Variants in XKR6 observed in about 807,000 individuals in gnomAD.
XKR6 encodes XK related 6, also known as XK-related protein 6.
In XKR6, 22 loss-of-function variants were observed where a neutral mutation model predicts 56.7. That is an observed-to-expected ratio of 0.39 (90% CI 0.28 to 0.55). The LOEUF (loss-of-function observed/expected upper bound fraction) is 0.55, where lower values mean the gene tolerates loss of function less well. Ranked by LOEUF, XKR6 falls within the 20% of genes least tolerant of loss-of-function variation. The probability of loss-of-function intolerance (pLI) is 0.66; values close to 1 mark genes in which losing one functional copy is unlikely to be tolerated. For missense variants in XKR6, 852 were observed against 889.0 expected (o/e 0.96, Z 0.53); for synonymous variants, 524 against 387.8 (o/e 1.35, Z -4.13).
intron 1 of XKR6, among the ~76,000 whole-genome samples, chr8:11,147,918 C>G (rs1586615451): frequency 6.6e-6 from 1 of 151,890 alleles, no homozygotes; most frequent in East Asian, 2.0e-4. Context: ...GGTAATTAAG[C>G]TAAAATGAGG....
At chr8:10,992,741 G>T (rs1439956279) in intron 1 of XKR6, among the ~76,000 whole-genome samples, 1 of 152,176 alleles carries the variant, frequency 6.6e-6, no homozygotes, top group Non-Finnish European at 1.5e-5. Flanking sequence ...AGTCAATTCT[G>T]CATCTAGAGA....
chr8:10,967,978 C>T (rs185159505), intron 1 of XKR6, among the ~76,000 whole-genome samples: 9 of 152,296 alleles, frequency 5.9e-5, no homozygotes, highest in Admixed American at 4.6e-4. Flanking sequence ...ATGGATACCT[C>T]GGCCCCTCAG....
chr8:11,120,177 T>C (rs1264562074), intron 1 of XKR6, among the ~76,000 whole-genome samples: 2 of 152,190 alleles, frequency 1.3e-5, no homozygotes, highest in Non-Finnish European at 2.9e-5. Flanking sequence ...TGTTGGAAGT[T>C]CTGGCCAGGG....
intron 2 of XKR6, among the ~76,000 whole-genome samples, chr8:10,912,833 T>G (rs118058439): frequency 0.095 from 13,724 of 144,098 alleles, 815 homozygotes; most frequent in Non-Finnish European, 0.13. Context: ...CATATATATA[T>G]ATAGAGAGAG....
At chr8:10,984,757 T>TATATATATATATATATATATA (rs1554519601) in intron 1 of XKR6, among the ~76,000 whole-genome samples, 64 of 139,830 alleles carry the variant, frequency 4.6e-4, no homozygotes, top group Non-Finnish European at 7.4e-4. Flanking sequence ...TATATATATA[T>TATATATATATATATATATATA]TTGAAGAAAT....
chr8:10,956,795 T>C (rs1440450644), intron 1 of XKR6, among the ~76,000 whole-genome samples: 1 of 152,200 alleles, frequency 6.6e-6, no homozygotes, highest in Non-Finnish European at 1.5e-5. Context: ...GGGATTGAAC[T>C]AGAAACTGGG....
chr8:10,991,511 T>C (rs1797993184), intron 1 of XKR6, among the ~76,000 whole-genome samples: 1 of 152,216 alleles, frequency 6.6e-6, no homozygotes, highest in Non-Finnish European at 1.5e-5. Flanking sequence ...CGGAACACGA[T>C]GAGTCTATCT....
At chr8:11,005,870 G>T (rs1798356712) in intron 1 of XKR6, among the ~76,000 whole-genome samples, 1 of 131,272 alleles carries the variant, frequency 7.6e-6, no homozygotes. Flanking sequence ...TTGAGATGGA[G>T]TCTCCCTCTT....
intron 1 of XKR6, among the ~76,000 whole-genome samples, chr8:11,179,564 A>G (rs937642787): frequency 6.6e-6 from 1 of 152,074 alleles, no homozygotes; most frequent in Non-Finnish European, 1.5e-5. Flanking sequence ...TCCTCCCTCA[A>G]AACACTAGAG....
At chr8:10,978,202 T>C (rs1802624572) in intron 1 of XKR6, among the ~76,000 whole-genome samples, 1 of 152,184 alleles carries the variant, frequency 6.6e-6, no homozygotes, top group Non-Finnish European at 1.5e-5. Flanking sequence ...CAGAACAGAT[T>C]CATAGCAGAG....
intron 1 of XKR6, among the ~76,000 whole-genome samples, chr8:11,154,233 T>C (rs180724221): frequency 6.6e-6 from 1 of 152,316 alleles, no homozygotes; most frequent in African/African-American, 2.4e-5. Flanking sequence ...CCAGTAGACA[T>C]GGTGACGGAG....
intron 1 of XKR6, among the ~76,000 whole-genome samples, chr8:10,992,702 C>A (rs919800311): frequency 6.6e-6 from 1 of 152,196 alleles, no homozygotes; most frequent in African/African-American, 2.4e-5. Context: ...CCTCTTCCCT[C>A]CTGTTAGCCA....
intron 1 of XKR6, among the ~76,000 whole-genome samples, chr8:10,952,972 T>G (rs1801771541): frequency 6.6e-6 from 1 of 152,076 alleles, no homozygotes; most frequent in African/African-American, 2.4e-5. Flanking sequence ...CTGCGAGGGA[T>G]CTAGGCTGCG....
chr8:11,081,862 T>G (rs901821047), intron 1 of XKR6, among the ~76,000 whole-genome samples: 1 of 152,236 alleles, frequency 6.6e-6, no homozygotes, highest in Non-Finnish European at 1.5e-5. Context: ...CCTCTTGGCC[T>G]GTGTCAAAGA....
chr8:11,055,909 C>G (rs1034331406), intron 1 of XKR6, among the ~76,000 whole-genome samples: 22 of 152,166 alleles, frequency 1.4e-4, no homozygotes, highest in Admixed American at 1.4e-3. Context: ...TTCATACCCC[C>G]GCTCCATACA....
At chr8:10,903,722 G>A (rs907981569) in intron 2 of XKR6, among the ~76,000 whole-genome samples, 1 of 152,174 alleles carries the variant, frequency 6.6e-6, no homozygotes, top group Non-Finnish European at 1.5e-5. Context: ...AAGAAGACAG[G>A]CGTCTACAAT....
chr8:11,195,917 T>C (rs1299676405), intron 1 of XKR6, among the ~76,000 whole-genome samples: 1 of 151,260 alleles, frequency 6.6e-6, no homozygotes, highest in Non-Finnish European at 1.5e-5. Flanking sequence ...TCCCACTGAG[T>C]TTCTTTTAAA....
At chr8:10,984,722 CTCTCTCTCTCTATATA>C (rs1010353377) in intron 1 of XKR6, among the ~76,000 whole-genome samples, 1 of 79,206 alleles carries the variant, frequency 1.3e-5, no homozygotes, top group Non-Finnish European at 2.8e-5. Context: ...CTCTCTCTCT[CTCTCTCTCTCTATATA>C]TATATATATA....
chr8:11,168,449 T>C (rs556796636), intron 1 of XKR6, among the ~76,000 whole-genome samples: 26 of 152,264 alleles, frequency 1.7e-4, no homozygotes, highest in Non-Finnish European at 2.5e-4. Flanking sequence ...TCTAGAATAA[T>C]AGACTTCAAT....
Sources: allele counts gnomAD v4.1 joint callset (sites outside exome capture counted in the v4.1 genomes callset), GRCh38; gene constraint gnomAD v4.1.1; transcripts MANE v1.5; gene names NCBI Gene and HGNC (gene_info 2026-07-23, HGNC 2026-07-21).